The following CNTNAP2 variants were observed in gnomAD, a reference collection of about 807,000 sequenced individuals.
The protein encoded by CNTNAP2 is contactin associated protein 2, also known as contactin-associated protein-like 2.
In CNTNAP2, 98 loss-of-function variants were observed where a neutral mutation model predicts 155.2. The ratio of observed to expected loss-of-function variants is 0.63; its 90% CI spans 0.54 to 0.75. The LOEUF is 0.75. CNTNAP2 is among the 30% of genes least tolerant of loss of function. The pLI is 0.00. For synonymous variants in CNTNAP2, 651 were observed against 631.2 expected (o/e 1.03, Z -0.47); for missense variants, 1,727 against 1,688.1 (o/e 1.02, Z -0.40).
chr7:148,296,286 C>T (rs1314917813), intron 21 of CNTNAP2, among the ~76,000 whole-genome samples: 2 of 152,040 alleles, frequency 1.3e-5, no homozygotes, highest in Non-Finnish European at 2.9e-5. Flanking sequence ...TAGCTCACAT[C>T]TGTAATCCTA....
chr7:146,180,445 A>G (rs1464391408), intron 1 of CNTNAP2, among the ~76,000 whole-genome samples: 1 of 151,988 alleles, frequency 6.6e-6, no homozygotes, highest in African/African-American at 2.4e-5. Context: ...TCCATTCTCT[A>G]TCAAAATAGA....
chr7:146,667,539 T>C, intron 1 of CNTNAP2, among the ~76,000 whole-genome samples: 1 of 151,902 alleles, frequency 6.6e-6, no homozygotes, highest in East Asian at 1.9e-4. Context: ...AGAGAAGGCA[T>C]TCACTCCACA....
At chr7:146,590,637 G>A (rs1450767412) in intron 1 of CNTNAP2, among the ~76,000 whole-genome samples, 2 of 152,144 alleles carry the variant, frequency 1.3e-5, no homozygotes, top group African/African-American at 4.8e-5. Flanking sequence ...TGGACCTTGT[G>A]TGATAGGCCG....
intron 4 of CNTNAP2, among the ~76,000 whole-genome samples, chr7:147,046,276 G>T (rs925872539): frequency 6.6e-6 from 1 of 152,012 alleles, no homozygotes. Flanking sequence ...CCCAGTTACT[G>T]CAACTCCTTA....
intron 1 of CNTNAP2, among the ~76,000 whole-genome samples, chr7:146,150,954 GC>G (rs1301102910): frequency 6.6e-6 from 1 of 152,212 alleles, no homozygotes; most frequent in East Asian, 1.9e-4. Context: ...ACTCTATTGA[GC>G]ATGGCTGAAG....
chr7:146,931,123 C>G (rs1192499423), intron 3 of CNTNAP2, among the ~76,000 whole-genome samples: 2 of 151,274 alleles, frequency 1.3e-5, no homozygotes, highest in Non-Finnish European at 3.0e-5. Flanking sequence ...CCCAAATCAA[C>G]AGAATATACA....
intron 13 of CNTNAP2, among the ~76,000 whole-genome samples, chr7:147,839,213 C>T (rs559222813): frequency 6.6e-6 from 1 of 152,270 alleles, no homozygotes; most frequent in Admixed American, 6.5e-5. Context: ...GAGGGTGGAT[C>T]TGCCTTCCCC....
Position 147,354,952 on chromosome 7 carries a change from T to C in CNTNAP2, c.1499-40657T>C, listed in dbSNP as rs527324439. 4.6e-5 allele frequency among the ~76,000 whole-genome samples: 7 copies of C among 152,222 alleles called. No homozygotes were observed. In the East Asian group the frequency reaches 1.4e-3, roughly 29 times the overall value. On this transcript the variant is annotated intron_variant, in intron 9 of 23. Transcript: ENST00000361727. ...GCTCTCTGATTGTCTATTATTGGTATATAGAAATGCTTGTGATTTTGCACA... is the reference window on the plus strand; with the variant it reads ...GCTCTCTGATTGTCTATTATTGGTACATAGAAATGCTTGTGATTTTGCACA...
intron 1 of CNTNAP2, among the ~76,000 whole-genome samples, chr7:146,560,048 C>T (rs1017656150): frequency 2.6e-5 from 4 of 152,064 alleles, no homozygotes; most frequent in African/African-American, 4.8e-5. Flanking sequence ...CTTGCAGAAA[C>T]GTAATCATTT....
chr7:147,584,287 A>C (rs1428622721), intron 12 of CNTNAP2, among the ~76,000 whole-genome samples: 1 of 152,204 alleles, frequency 6.6e-6, no homozygotes. Context: ...ATGGCCTCCT[A>C]ATTATGAAAT....
chr7:146,783,879 C>A (rs1389430384), intron 2 of CNTNAP2, among the ~76,000 whole-genome samples: 1 of 152,150 alleles, frequency 6.6e-6, no homozygotes, highest in East Asian at 1.9e-4. Context: ...TTAAGGCCAG[C>A]AGAATACATT....
At chr7:146,848,889 C>T (rs1794815440) in intron 3 of CNTNAP2, among the ~76,000 whole-genome samples, 1 of 152,138 alleles carries the variant, frequency 6.6e-6, no homozygotes, top group South Asian at 2.1e-4. Flanking sequence ...TCTCCTGCTT[C>T]AGCCTCTCGA....
At chr7:146,763,822 A>G (rs1172158788) in intron 1 of CNTNAP2, among the ~76,000 whole-genome samples, 14 of 152,172 alleles carry the variant, frequency 9.2e-5, no homozygotes, top group Non-Finnish European at 1.5e-5. Flanking sequence ...ATCATGCCAT[A>G]AACATTTGTC....
At chr7:147,612,649 C>T (rs1801209963) in intron 12 of CNTNAP2, among the ~76,000 whole-genome samples, 1 of 152,070 alleles carries the variant, frequency 6.6e-6, no homozygotes, top group Non-Finnish European at 1.5e-5. Context: ...AATCTGCCCG[C>T]CTTGGCCTCC....
At chr7:147,974,400 A>G (rs1463016570) in intron 14 of CNTNAP2, among the ~76,000 whole-genome samples, 2 of 152,078 alleles carry the variant, frequency 1.3e-5, no homozygotes, top group Non-Finnish European at 2.9e-5. Context: ...CCCTGAGGTC[A>G]GGAGGGCAGA....
At chr7:147,834,587 A>G (rs1371671980) in intron 13 of CNTNAP2, among the ~76,000 whole-genome samples, 1 of 152,124 alleles carries the variant, frequency 6.6e-6, no homozygotes. Flanking sequence ...ATAGACACCT[A>G]CATCGACCAA....
chr7:146,910,608 A>G (rs1171026623), intron 3 of CNTNAP2, among the ~76,000 whole-genome samples: 6 of 151,030 alleles, frequency 4.0e-5, no homozygotes, highest in Non-Finnish European at 7.4e-5. Context: ...CCATATGTAG[A>G]AAGCTGAAAC....
chr7:148,170,606 G>A (rs973612731), intron 17 of CNTNAP2, among the ~76,000 whole-genome samples: 1 of 152,178 alleles, frequency 6.6e-6, no homozygotes, highest in African/African-American at 2.4e-5. Context: ...ATTCCAATAT[G>A]TTAGAAGAAA....
intron 12 of CNTNAP2, among the ~76,000 whole-genome samples, chr7:147,582,085 A>G (rs1264046848): frequency 6.6e-5 from 10 of 152,170 alleles, no homozygotes; most frequent in Non-Finnish European, 1.5e-4. Context: ...GAATTTTCAT[A>G]ATAGCCTCAA....
Sources: gnomAD v4.1 joint callset for allele counts (sites outside exome capture counted in the v4.1 genomes callset) on GRCh38, gnomAD v4.1.1 for gene constraint, MANE v1.5 for transcripts, NCBI Gene and HGNC (gene_info 2026-07-23, HGNC 2026-07-21) for gene names.